The following ASAP2 variants were observed in gnomAD, a reference collection of about 807,000 sequenced individuals.
The protein encoded by ASAP2 is arf-GAP with SH3 domain, ANK repeat and PH domain-containing protein 2.
ASAP2 carries 45 observed loss-of-function variants against 131.4 expected under a neutral mutation model. That is an observed-to-expected ratio of 0.34 (90% confidence interval 0.27 to 0.44). ASAP2 has a LOEUF of 0.44. Among genes scored for constraint, ASAP2 ranks in the 20% least tolerant of loss-of-function variants. ASAP2 has a pLI of 1.00. For synonymous variants in ASAP2, 510 were observed against 503.0 expected (o/e 1.01, Z -0.19); for missense variants, 1,011 against 1,297.0 (o/e 0.78, Z 3.39).
At chr2:9,312,296 C>T (rs1669351911) in intron 3 of ASAP2, among the ~76,000 whole-genome samples, 1 of 152,128 alleles carries the variant, frequency 6.6e-6, no homozygotes, top group South Asian at 2.1e-4. Flanking sequence ...TTAAATAATT[C>T]CAAAGAGAAA....
intron 15 of ASAP2, among the ~76,000 whole-genome samples, chr2:9,367,027 A>ATTTTTTTT (rs1171661319): frequency 0.044 from 5,848 of 132,576 alleles, 554 homozygotes; most frequent in African/African-American, 0.15. Context: ...TGCCTGCATA[A>ATTTTTTTT]TTTTTTTTTT....
chr2:9,312,530 T>C (rs1669368671), intron 3 of ASAP2, among the ~76,000 whole-genome samples: 1 of 152,206 alleles, frequency 6.6e-6, no homozygotes, highest in Admixed American at 6.5e-5. Context: ...AACAGAGATT[T>C]CCCTGGTATC....
chr2:9,374,662 C>A, intron 16 of ASAP2, 93 bp from the exon 17 acceptor site: 4 of 1,251,134 alleles, frequency 3.2e-6, no homozygotes, highest in Middle Eastern at 2.8e-4. Context: ...AGGGACATGG[C>A]GCAGGAACCG....
At chr2:9,317,440 ATT>A (rs1558324982) in intron 3 of ASAP2, among the ~76,000 whole-genome samples, 1 of 4,342 alleles carries the variant, frequency 2.3e-4, no homozygotes, top group Non-Finnish European at 1.1e-3. Flanking sequence ...ACATACTCAC[ATT>A]CTCACACACA....
At chr2:9,300,962 G>C (rs1041566783) in intron 3 of ASAP2, among the ~76,000 whole-genome samples, 5 of 152,234 alleles carry the variant, frequency 3.3e-5, no homozygotes, top group Non-Finnish European at 4.4e-5. Flanking sequence ...TGGTTTTCCA[G>C]GCCAGCGCCG....
chr2:9,343,087 G>A (rs767207372), intron 9 of ASAP2, among the ~76,000 whole-genome samples: 1 of 152,200 alleles, frequency 6.6e-6, no homozygotes, highest in Non-Finnish European at 1.5e-5. Flanking sequence ...GCAATGATGA[G>A]AGTGGCCCTA....
intron 9 of ASAP2, 115 bp downstream of exon 9, chr2:9,335,294 C>A: frequency 1.2e-6 from 1 of 820,454 alleles, no homozygotes; most frequent in Non-Finnish European, 2.0e-6. Context: ...CGGGCTGTGT[C>A]AGGCACCAGT....
At chr2:9,230,693 A>G (rs768721215) in intron 1 of ASAP2, among the ~76,000 whole-genome samples, 3 of 152,238 alleles carry the variant, frequency 2.0e-5, no homozygotes, top group Admixed American at 6.5e-5. Flanking sequence ...GCTGGGAGTA[A>G]GAGCAGATAT....
chr2:9,352,212 A>AACACACACACACACACACACAC (rs58275721), intron 12 of ASAP2, among the ~76,000 whole-genome samples: 1 of 149,966 alleles, frequency 6.7e-6, no homozygotes, highest in African/African-American at 2.5e-5. Context: ...AACACACACA[A>AACACACACACACACACACACAC]ACACACACAC....
At chr2:9,297,152 G>A (rs1254499354) in intron 2 of ASAP2, 148 bp from the exon 3 acceptor site, 5 of 974,922 alleles carry the variant, frequency 5.1e-6, no homozygotes, top group Non-Finnish European at 7.4e-6. Context: ...TTGGGATAAC[G>A]AAGCTATTTC....
intron 1 of ASAP2, among the ~76,000 whole-genome samples, chr2:9,245,728 T>A (rs911454109): frequency 1.3e-5 from 2 of 152,124 alleles, no homozygotes; most frequent in Non-Finnish European, 2.9e-5. Flanking sequence ...CTTCCTCCCG[T>A]CTCTGCAGTC....
intron 1 of ASAP2, among the ~76,000 whole-genome samples, chr2:9,221,507 C>T (rs1662419332): frequency 6.6e-6 from 1 of 151,960 alleles, no homozygotes; most frequent in Admixed American, 6.6e-5. Flanking sequence ...TTTCAATGTA[C>T]AAATCTTACA....
At chr2:9,383,225 A>G (rs1416860664) in intron 20 of ASAP2, among the ~76,000 whole-genome samples, 1 of 152,070 alleles carries the variant, frequency 6.6e-6, no homozygotes, top group African/African-American at 2.4e-5. Flanking sequence ...TATAGGATCA[A>G]TTGGGGAAGT....
Position 9,356,278 on chromosome 2 carries a change from A to G in ASAP2, c.1260A>G (p.Thr420=). The stretch of plus-strand genomic sequence containing the variant: ...AAAATAACATCGTCCAAGAACTGAC[A>G]AAGGAGATCATCTCAGAAGTGCAGA... The part of the protein sequence containing the change: ...TGENNIVQEL[T]KEIISEVQRM... The change falls in exon 14 of 28, where the codon ACA becomes ACG. Residue 420 remains threonine, a synonymous_variant. Transcript: ENST00000281419. The G allele has an allele frequency of 6.2e-7, 1 of 1,614,040 alleles. No individual in the cohort carries two copies. The highest frequency in any genetic ancestry group is 1.1e-5 in the South Asian group (1 of 91,060).
In ASAP2 at chr2:9,207,197, G is replaced by T; in HGVS notation, c.93G>T (p.Ala31=). 1.9e-6 allele frequency: 3 copies of T among 1,601,408 alleles called. No homozygotes were observed. In the South Asian group the frequency reaches 3.3e-5, roughly 18 times the overall value. The change falls in exon 1 of 28, where the codon GCG becomes GCT. Residue 31 remains alanine, a synonymous_variant. Transcript: ENST00000281419. The surrounding 1 kb of genome is among the most constrained non-coding windows in gnomAD (Gnocchi z 4.1). The stretch of plus-strand genomic sequence containing the variant: ...CCTCCAGCTTCACCACCCGCACGGC[G>T]CAGTGCCGGAACACTGTGGCGGCCA... ...PTASSFTTRT[A]QCRNTVAAIE...
At chr2:9,235,135 G>A (rs1663454390) in intron 1 of ASAP2, among the ~76,000 whole-genome samples, 1 of 152,132 alleles carries the variant, frequency 6.6e-6, no homozygotes, top group Non-Finnish European at 1.5e-5. Context: ...TTCCTGTCCT[G>A]TTGTAGGCGG....
chr2:9,307,141 C>A (rs1266738179), intron 3 of ASAP2, among the ~76,000 whole-genome samples: 4 of 152,222 alleles, frequency 2.6e-5, no homozygotes, highest in Non-Finnish European at 1.5e-5. Flanking sequence ...GGCTCTCCAG[C>A]TGGAGTGCAT....
chr2:9,354,964 T>G (rs539721288), intron 12 of ASAP2, among the ~76,000 whole-genome samples: 1 of 152,224 alleles, frequency 6.6e-6, no homozygotes, highest in Non-Finnish European at 1.5e-5. Flanking sequence ...CTGCCCCTGC[T>G]TTTCTTTATT....
chr2:9,316,119 G>C (rs1384071581), intron 3 of ASAP2, among the ~76,000 whole-genome samples: 1 of 151,942 alleles, frequency 6.6e-6, no homozygotes, highest in Non-Finnish European at 1.5e-5. Flanking sequence ...AGGAGTTCAA[G>C]ACTAGCCTGA....
Sources: gnomAD v4.1 joint callset for allele counts (sites outside exome capture counted in the v4.1 genomes callset) on GRCh38, gnomAD v4.1.1 for gene constraint, Gnocchi (gnomAD v3.1) non-coding constraint, MANE v1.5 for transcripts, NCBI Gene and HGNC (gene_info 2026-07-23, HGNC 2026-07-21) for gene names.